The following PAK5 variants were observed in gnomAD, a reference collection of about 807,000 sequenced individuals.
PAK5 encodes the protein serine/threonine-protein kinase PAK 5.
Under a neutral mutation model 65.9 loss-of-function variants are expected in PAK5, and 16 were observed. That is an observed-to-expected ratio of 0.24 (90% CI 0.16 to 0.37). The LOEUF is 0.37. Among genes scored for constraint, PAK5 ranks in the 10% least tolerant of loss-of-function variants. The pLI is 1.00. For synonymous variants in PAK5, 371 were observed against 354.9 expected (o/e 1.05, Z -0.51); for missense variants, 785 against 903.9 (o/e 0.87, Z 1.69).
At chr20:9,580,059 C>G in intron 4 of PAK5, 86 bp downstream of exon 4, 1 of 1,182,598 alleles carries the variant, frequency 8.5e-7, no homozygotes, top group Non-Finnish European at 1.2e-6. Context: ...AAGTACTTTA[C>G]AATCCAATCG....
At chr20:9,765,239 T>A (rs2048744133) in intron 1 of PAK5, among the ~76,000 whole-genome samples, 1 of 152,030 alleles carries the variant, frequency 6.6e-6, no homozygotes, top group African/African-American at 2.4e-5. Context: ...AATTTGGGGA[T>A]TTTTTTTAAC....
chr20:9,729,997 G>GA (rs760289697), intron 1 of PAK5, among the ~76,000 whole-genome samples: 5,932 of 81,786 alleles, frequency 0.073, 380 homozygotes, highest in Non-Finnish European at 0.1. Context: ...GGGCAACAGG[G>GA]AAAAAAAAAA....
chr20:9,730,017 GA>G (rs2048319209), intron 1 of PAK5, among the ~76,000 whole-genome samples: 1 of 124,958 alleles, frequency 8.0e-6, no homozygotes, highest in African/African-American at 3.0e-5. Flanking sequence ...AAAAAAAAGA[GA>G]GAGAGAGAGA....
intron 1 of PAK5, among the ~76,000 whole-genome samples, chr20:9,735,464 C>T (rs2048378161): frequency 1.3e-5 from 2 of 152,096 alleles, no homozygotes; most frequent in Admixed American, 6.5e-5. Flanking sequence ...CCAACCTTCA[C>T]ACAAGGCCAG....
intron 1 of PAK5, among the ~76,000 whole-genome samples, chr20:9,733,337 C>T (rs1233623130): frequency 6.6e-6 from 1 of 151,916 alleles, no homozygotes; most frequent in Non-Finnish European, 1.5e-5. Flanking sequence ...GAATTAATTA[C>T]CATAATCAAG....
In PAK5 at chr20:9,734,567, C is replaced by T. The variant is rs1247920617; in HGVS notation, c.-161-23132G>A. Among the ~76,000 whole-genome samples the T allele has an allele frequency of 5.5e-5, 8 of 146,782 alleles. No homozygotes were observed. The East Asian group carries it at 1.3e-3, about 23-fold the overall frequency. ...ACGCGCACATGCACACACACACACA[C>T]ACACACATACACACAGGCCACGGGG... On this transcript the variant is annotated intron_variant, in intron 1 of 9. Transcript: ENST00000353224.
At chr20:9,677,179 A>T (rs913546252) in intron 2 of PAK5, among the ~76,000 whole-genome samples, 2 of 152,120 alleles carry the variant, frequency 1.3e-5, no homozygotes, top group African/African-American at 4.8e-5. Flanking sequence ...CTTTCACTTC[A>T]TAATGTATTC....
At chr20:9,557,559 G>A in intron 7 of PAK5, 49 bp downstream of exon 7, 1 of 1,541,612 alleles carries the variant, frequency 6.5e-7, no homozygotes, top group African/African-American at 1.4e-5. Flanking sequence ...GCCCATGACA[G>A]ACAGAGTGAC....
At chr20:9,808,743 AG>A (rs2049262366) in intron 1 of PAK5, among the ~76,000 whole-genome samples, 1 of 152,138 alleles carries the variant, frequency 6.6e-6, no homozygotes, top group Admixed American at 6.5e-5. Context: ...AGGGGAAAAT[AG>A]GGGATGCTTT....
chr20:9,626,983 G>A (rs1214072329), intron 3 of PAK5, among the ~76,000 whole-genome samples: 2 of 152,012 alleles, frequency 1.3e-5, no homozygotes, highest in African/African-American at 4.8e-5. Context: ...AAAAAAGACA[G>A]GTCTTTATTT....
At chr20:9,810,516 C>T (rs1193943792) in intron 1 of PAK5, among the ~76,000 whole-genome samples, 3 of 152,052 alleles carry the variant, frequency 2.0e-5, no homozygotes, top group African/African-American at 2.4e-5. Flanking sequence ...ACTGCACTCC[C>T]GCCTGGGTGA....
intron 1 of PAK5, among the ~76,000 whole-genome samples, chr20:9,782,952 G>T (rs6039577): frequency 4.8e-5 from 7 of 147,010 alleles, no homozygotes; most frequent in Admixed American, 2.7e-4. Context: ...TTTTTAAGAC[G>T]GAGTTTCGCT....
chr20:9,781,039 C>G (rs1388688518), intron 1 of PAK5, among the ~76,000 whole-genome samples: 1 of 152,002 alleles, frequency 6.6e-6, no homozygotes, highest in East Asian at 1.9e-4. Flanking sequence ...GAAAAATATT[C>G]AAATGGATAA....
chr20:9,620,615 A>G (rs1302106288), intron 3 of PAK5, among the ~76,000 whole-genome samples: 1 of 152,190 alleles, frequency 6.6e-6, no homozygotes, highest in African/African-American at 2.4e-5. Flanking sequence ...GGTCCTGGGA[A>G]GAACATGGCT....
At chr20:9,722,644 A>G (rs2048230661) in intron 1 of PAK5, among the ~76,000 whole-genome samples, 1 of 152,152 alleles carries the variant, frequency 6.6e-6, no homozygotes, top group Non-Finnish European at 1.5e-5. Context: ...AATTTTTAAA[A>G]AGGCAAGGTA....
chr20:9,811,749 C>T (rs2049300782), intron 1 of PAK5, among the ~76,000 whole-genome samples: 1 of 152,148 alleles, frequency 6.6e-6, no homozygotes, highest in Non-Finnish European at 1.5e-5. Flanking sequence ...TTAAGAATAA[C>T]ATGTGCTCAC....
intron 6 of PAK5, among the ~76,000 whole-genome samples, chr20:9,561,703 A>C (rs1323967505): frequency 1.3e-5 from 2 of 152,210 alleles, no homozygotes; most frequent in African/African-American, 2.4e-5. Context: ...ACCTGGATCC[A>C]CTTTTGATTC....
intron 1 of PAK5, among the ~76,000 whole-genome samples, chr20:9,818,357 C>T (rs2049382036): frequency 6.6e-6 from 1 of 152,178 alleles, no homozygotes; most frequent in Non-Finnish European, 1.5e-5. Context: ...TACTACTGGT[C>T]CATGCTGTGT....
chr20:9,626,762 G>GA (rs1342927524), intron 3 of PAK5, among the ~76,000 whole-genome samples: 1 of 151,844 alleles, frequency 6.6e-6, no homozygotes, highest in Admixed American at 6.6e-5. Context: ...CTAATAAATG[G>GA]AATGGCTTTT....
Sources: allele counts gnomAD v4.1 joint callset (sites outside exome capture counted in the v4.1 genomes callset), GRCh38; gene constraint gnomAD v4.1.1; transcripts MANE v1.5; gene names NCBI Gene and HGNC (gene_info 2026-07-23, HGNC 2026-07-21).